Variants in CACNA2D3 observed in about 807,000 individuals in gnomAD.
The protein encoded by CACNA2D3 is calcium voltage-gated channel auxiliary subunit alpha2delta 3.
In CACNA2D3, 60 loss-of-function variants were observed where a neutral mutation model predicts 160.6. The ratio of observed to expected loss-of-function variants is 0.37; its 90% CI spans 0.30 to 0.46. CACNA2D3 has a LOEUF of 0.46. CACNA2D3 is among the 20% of genes least tolerant of loss of function. The probability of loss-of-function intolerance (pLI) is 1.00; values close to 1 mark genes in which losing one functional copy is unlikely to be tolerated. For synonymous variants in CACNA2D3, 558 were observed against 492.9 expected, an observed-to-expected ratio of 1.13 and a Z score of -1.75; for missense variants, 1,205 against 1,365.0, an observed-to-expected ratio of 0.88 and a Z score of 1.85.
chr3:54,536,267 A>G (rs778911074), intron 5 of CACNA2D3, among the ~76,000 whole-genome samples: 3 of 152,236 alleles, frequency 2.0e-5, no homozygotes, highest in Non-Finnish European at 2.9e-5. Context: ...ATTTATCAGT[A>G]TAGAGGTGGT....
intron 11 of CACNA2D3, among the ~76,000 whole-genome samples, chr3:54,661,362 G>A (rs1699966891): frequency 6.6e-6 from 1 of 152,112 alleles, no homozygotes; most frequent in African/African-American, 2.4e-5. Flanking sequence ...ATGCCTCAAT[G>A]GGACAGAAAC....
At chr3:54,143,039 C>T (rs548622806) in intron 2 of CACNA2D3, among the ~76,000 whole-genome samples, 38 of 152,340 alleles carry the variant, frequency 2.5e-4, no homozygotes, top group Non-Finnish European at 5.0e-4. Flanking sequence ...GAAAAGCAGG[C>T]TGTGACTAGG....
intron 5 of CACNA2D3, among the ~76,000 whole-genome samples, chr3:54,542,418 T>G (rs1412533779): frequency 6.6e-6 from 1 of 152,104 alleles, no homozygotes; most frequent in East Asian, 1.9e-4. Flanking sequence ...AGTCCCACAA[T>G]GGACCATCTG....
rs145744507 is a variant in CACNA2D3 at position 54,816,322 on chromosome 3, A to G, written c.1381-531A>G. On this transcript the variant is annotated intron_variant, in intron 13 of 37. Coordinates refer to ENST00000474759, the MANE Select transcript of CACNA2D3 (RefSeq NM_018398.3). ...GGGTTTCTCAACTTTGGCACTATGG[A>G]TATATGGGCTGGGCAGTTTGTTTTT... is the stretch of plus-strand genomic sequence containing the variant. Among the ~76,000 whole-genome samples, 174 of 152,212 alleles carry G rather than the reference A, an allele frequency of 1.1e-3. 2 individuals carry two copies. The East Asian group carries it at 0.027, about 24-fold the overall frequency.
intron 8 of CACNA2D3, among the ~76,000 whole-genome samples, chr3:54,570,832 T>C (rs1702484447): frequency 6.6e-6 from 1 of 152,086 alleles, no homozygotes; most frequent in African/African-American, 2.4e-5. Context: ...TGACCACTTA[T>C]TCAGGTGTCC....
intron 3 of CACNA2D3, among the ~76,000 whole-genome samples, chr3:54,372,203 A>G (rs929030266): frequency 1.3e-5 from 2 of 152,228 alleles, no homozygotes; most frequent in African/African-American, 4.8e-5. Flanking sequence ...TAAAGTTCAA[A>G]TATATTTTAT....
intron 11 of CACNA2D3, among the ~76,000 whole-genome samples, chr3:54,717,601 CGTGT>C (rs562602682): frequency 8.6e-6 from 1 of 115,852 alleles, no homozygotes; most frequent in East Asian, 2.7e-4. Flanking sequence ...TGCATACATT[CGTGT>C]GTGTGGTGTG....
At chr3:54,355,396 C>T (rs1451769242) in intron 3 of CACNA2D3, among the ~76,000 whole-genome samples, 1 of 152,148 alleles carries the variant, frequency 6.6e-6, no homozygotes, top group Non-Finnish European at 1.5e-5. Context: ...GAAATAAAGG[C>T]CAGTGAAGGG....
At chr3:54,141,477 C>G (rs1001227470) in intron 2 of CACNA2D3, among the ~76,000 whole-genome samples, 6 of 152,188 alleles carry the variant, frequency 3.9e-5, no homozygotes, top group Non-Finnish European at 5.9e-5. Context: ...TCTGCTTTCT[C>G]AGGTCCTGTT....
At chr3:54,466,687 T>C (rs1700633448) in intron 4 of CACNA2D3, among the ~76,000 whole-genome samples, 1 of 152,220 alleles carries the variant, frequency 6.6e-6, no homozygotes, top group African/African-American at 2.4e-5. Flanking sequence ...ATGACTGATA[T>C]AAAATAGTTG....
intron 5 of CACNA2D3, among the ~76,000 whole-genome samples, chr3:54,506,240 C>G (rs943675688): frequency 6.6e-6 from 1 of 152,064 alleles, no homozygotes; most frequent in African/African-American, 2.4e-5. Flanking sequence ...CAGCTCAGAT[C>G]TAGTTATTGA....
intron 35 of CACNA2D3, among the ~76,000 whole-genome samples, chr3:55,054,056 C>CT (rs35375093): frequency 0.19 from 28,193 of 150,770 alleles, 2,835 homozygotes; most frequent in African/African-American, 0.21. Flanking sequence ...TACTTTTAAG[C>CT]TTTTTTTTGT....
chr3:54,735,345 A>G (rs756750470), intron 11 of CACNA2D3, among the ~76,000 whole-genome samples: 24 of 152,176 alleles, frequency 1.6e-4, no homozygotes, highest in African/African-American at 5.1e-4. Flanking sequence ...CACTCCTAGC[A>G]TTTACACATC....
intron 11 of CACNA2D3, among the ~76,000 whole-genome samples, chr3:54,681,025 T>TTTTTCATTGA (rs1177778312): frequency 6.6e-6 from 1 of 152,108 alleles, no homozygotes; most frequent in African/African-American, 2.4e-5. Context: ...AGAACATGGC[T>TTTTTCATTGA]TTTTCATTGA....
At chr3:54,624,404 T>G (rs575520333) in intron 9 of CACNA2D3, among the ~76,000 whole-genome samples, 1 of 152,036 alleles carries the variant, frequency 6.6e-6, no homozygotes, top group Non-Finnish European at 1.5e-5. Flanking sequence ...GGGTGGATCA[T>G]GAGGTCAGGA....
intron 18 of CACNA2D3, among the ~76,000 whole-genome samples, chr3:54,873,709 C>A (rs1297601977): frequency 6.6e-6 from 1 of 152,170 alleles, no homozygotes; most frequent in Non-Finnish European, 1.5e-5. Flanking sequence ...TGCTTTTGTT[C>A]TGCACAAATT....
intron 2 of CACNA2D3, 73 bp from the exon 3 acceptor site, chr3:54,320,369 G>A: frequency 4.6e-6 from 3 of 651,656 alleles, no homozygotes; most frequent in South Asian, 2.2e-5. Context: ...CTTGTGGGTA[G>A]ATGTGGTCTG....
chr3:54,263,294 T>G (rs1473085460), intron 2 of CACNA2D3, among the ~76,000 whole-genome samples: 1 of 152,230 alleles, frequency 6.6e-6, no homozygotes, highest in East Asian at 1.9e-4. Flanking sequence ...AGACTTGGAA[T>G]AGTAAAAATT....
intron 9 of CACNA2D3, among the ~76,000 whole-genome samples, chr3:54,623,912 G>A (rs1397159971): frequency 6.6e-6 from 1 of 152,194 alleles, no homozygotes; most frequent in Non-Finnish European, 1.5e-5. Flanking sequence ...ATGGGAGGTA[G>A]TTCCCTGGGA....
Sources: allele counts gnomAD v4.1 joint callset (sites outside exome capture counted in the v4.1 genomes callset), GRCh38; gene constraint gnomAD v4.1.1; transcripts MANE v1.5; gene names NCBI Gene and HGNC (gene_info 2026-07-23, HGNC 2026-07-21).